Variants in NDC1 observed in about 807,000 individuals in gnomAD.
NDC1 encodes the protein nucleoporin NDC1.
In NDC1, 24 loss-of-function variants were observed where a neutral mutation model predicts 89.8. The observed-to-expected ratio is 0.27, with a 90% CI of 0.19 to 0.38. The LOEUF is 0.38. Ranked by LOEUF, NDC1 falls within the 10% of genes least tolerant of loss-of-function variation. The pLI is 1.00. For synonymous variants in NDC1, 296 were observed against 284.8 expected (o/e 1.04, Z -0.39); for missense variants, 728 against 797.6 (o/e 0.91, Z 1.05).
chr1:53,822,386 A>G (rs1201218131), intron 5 of NDC1, among the ~76,000 whole-genome samples: 1 of 152,154 alleles, frequency 6.6e-6, no homozygotes, highest in Non-Finnish European at 1.5e-5. Context: ...GTTACTGAAT[A>G]ATATATATAA....
chr1:53,771,346 T>C (rs972264584), intron 17 of NDC1, among the ~76,000 whole-genome samples: 5 of 152,214 alleles, frequency 3.3e-5, no homozygotes, highest in African/African-American at 1.2e-4. Flanking sequence ...ACGCACTAGA[T>C]TGTGCTATCA....
rs1014798553 is a variant in NDC1, at chr1:53,800,813, C to T, written c.1102G>A (p.Glu368Lys). 1 of 1,609,778 alleles carries T rather than the reference C, an allele frequency of 6.2e-7. No homozygotes were observed. Among genetic ancestry groups the T allele is most frequent in the Non-Finnish European group, 8.5e-7 (1 of 1,178,114 alleles). ...HPHNWTAISR[E>K]CLNLLNGMTQ... The stretch of plus-strand genomic sequence containing the variant: ...ATACCATTTAAAAGATTCAAACACT[C>T]CCTTGAAATGGCTGTCCAATTGTGG... Residue 368 changes from glutamate to lysine, a missense_variant, in exon 11 of 18, where the codon GAG becomes AAG. By Grantham distance (56) the Glu-to-Lys change is moderately conservative. Coordinates refer to ENST00000371429, the MANE Select transcript of NDC1 (RefSeq NM_018087.5).
intron 5 of NDC1, among the ~76,000 whole-genome samples, 162 bp downstream of exon 5, chr1:53,825,636 A>G (rs1442650878): frequency 6.6e-6 from 1 of 152,174 alleles, no homozygotes; most frequent in Non-Finnish European, 1.5e-5. Flanking sequence ...AAGTCTCATG[A>G]AGACAAATCT....
chr1:53,770,398 C>A (rs1647102032), intron 17 of NDC1, among the ~76,000 whole-genome samples: 1 of 152,164 alleles, frequency 6.6e-6, no homozygotes, highest in Middle Eastern at 3.4e-3. Context: ...CCTCCACTTC[C>A]CGGGTTCAAG....
chr1:53,836,478 T>C (rs1649237962), intron 1 of NDC1, among the ~76,000 whole-genome samples: 1 of 148,768 alleles, frequency 6.7e-6, no homozygotes, highest in African/African-American at 2.5e-5. Flanking sequence ...AAGAATAAAG[T>C]TGAACTCCTA....
At chr1:53,818,866 T>C in intron 6 of NDC1, 105 bp downstream of exon 6, 2 of 582,648 alleles carry the variant, frequency 3.4e-6, no homozygotes, top group Non-Finnish European at 6.1e-6. Context: ...GCTAATCACA[T>C]ACCTATAACT....
intron 5 of NDC1, among the ~76,000 whole-genome samples, chr1:53,825,202 G>A (rs553672032): frequency 3.3e-5 from 5 of 151,872 alleles, no homozygotes; most frequent in East Asian, 1.9e-4. Context: ...GCGGCTGGGC[G>A]TGGTGGCTCA....
chr1:53,834,626 C>A (rs1487381311), intron 2 of NDC1, among the ~76,000 whole-genome samples: 1 of 152,124 alleles, frequency 6.6e-6, no homozygotes, highest in East Asian at 1.9e-4. Context: ...GATTATTTAA[C>A]CTGAATCTCA....
At chr1:53,772,722 A>AT (rs71063880) in intron 16 of NDC1, among the ~76,000 whole-genome samples, 3,781 of 148,438 alleles carry the variant, frequency 0.025, 62 homozygotes, top group Non-Finnish European at 0.035. Flanking sequence ...ATAACATAAC[A>AT]AAACAAAACA....
chr1:53,826,782 C>T lies in NDC1; in HGVS notation c.456-846G>A, dbSNP rs138895248. On this transcript the variant is annotated intron_variant, in intron 4 of 17. Coordinates refer to ENST00000371429, the MANE Select transcript of NDC1 (RefSeq NM_018087.5). ...GCACACAGGTTGTAGGCCTGCCCCA[C>T]CATCTAACTCCATGAGAGGTAAGAC... Among the ~76,000 whole-genome samples the T allele has an allele frequency of 8.6e-4, 131 of 152,242 alleles. 1 individual carries two copies. Among genetic ancestry groups the T allele is most frequent in the African/African-American group, 2.4e-3 (99 of 41,544 alleles).
chr1:53,835,420 T>C, intron 2 of NDC1, 80 bp downstream of exon 2: 1 of 1,216,078 alleles, frequency 8.2e-7, no homozygotes, highest in Non-Finnish European at 1.1e-6. Context: ...TAATTGAAAA[T>C]AAACTGCTTG....
At chr1:53,785,266 AAAT>A (rs1288119556) in intron 16 of NDC1, among the ~76,000 whole-genome samples, 3 of 152,226 alleles carry the variant, frequency 2.0e-5, no homozygotes, top group Non-Finnish European at 4.4e-5. Context: ...GAGTGACAAA[AAAT>A]AATGTTATGA....
intron 11 of NDC1, among the ~76,000 whole-genome samples, chr1:53,798,138 T>TTA (rs1647782741): frequency 6.0e-5 from 8 of 133,022 alleles, no homozygotes; most frequent in East Asian, 2.1e-4. Context: ...CCATCTTCTT[T>TTA]TTATTATTAT....
intron 6 of NDC1, among the ~76,000 whole-genome samples, chr1:53,816,324 A>G (rs1483619086): frequency 6.6e-6 from 1 of 152,210 alleles, no homozygotes; most frequent in African/African-American, 2.4e-5. Context: ...TCTTCGACAA[A>G]GCAAACAAAA....
chr1:53,823,630 C>T (rs956780967), intron 5 of NDC1, among the ~76,000 whole-genome samples: 2 of 149,254 alleles, frequency 1.3e-5, no homozygotes, highest in African/African-American at 4.9e-5. Flanking sequence ...TTTTCCCTAA[C>T]ACTTTCTTTT....
At chr1:53,772,269 T>A in intron 17 of NDC1, 60 bp downstream of exon 17, 1 of 1,478,632 alleles carries the variant, frequency 6.8e-7, no homozygotes, top group Non-Finnish European at 9.4e-7. Context: ...TTCCCATACC[T>A]ATTTCTAAGG....
At chr1:53,800,568 G>A (rs371873242) in intron 11 of NDC1, 125 bp downstream of exon 11, 27 of 920,804 alleles carry the variant, frequency 2.9e-5, no homozygotes, top group Admixed American at 4.3e-5. Context: ...CTCATGATCC[G>A]CCCACCTCGG....
At chr1:53,809,648 A>C (rs1237679180) in intron 7 of NDC1, 47 bp downstream of exon 7, 1 of 1,363,652 alleles carries the variant, frequency 7.3e-7, no homozygotes, top group Admixed American at 1.9e-5. Context: ...CAAACATCTA[A>C]AAGAATGGAA....
chr1:53,834,855 C>T (rs934359647), intron 2 of NDC1, among the ~76,000 whole-genome samples: 1 of 152,180 alleles, frequency 6.6e-6, no homozygotes, highest in African/African-American at 2.4e-5. Flanking sequence ...CACCTGTAAT[C>T]CCAGCACTTC....
Sources: allele counts gnomAD v4.1 joint callset (sites outside exome capture counted in the v4.1 genomes callset), GRCh38; gene constraint gnomAD v4.1.1; transcripts MANE v1.5; gene names NCBI Gene and HGNC (gene_info 2026-07-23, HGNC 2026-07-21).